PXDNL: variants seen among roughly 807,000 people sequenced by gnomAD.
PXDNL encodes the protein probable oxidoreductase PXDNL.
Under a neutral mutation model 150.8 loss-of-function variants are expected in PXDNL, and 145 were observed. The ratio of observed to expected loss-of-function variants is 0.96; its 90% CI spans 0.84 to 1.10. The LOEUF (loss-of-function observed/expected upper bound fraction) is 1.10. PXDNL is among the 50% of genes least tolerant of loss of function. The pLI, the probability that PXDNL is intolerant of heterozygous loss-of-function variation, is 0.00. For synonymous variants in PXDNL, 757 were observed against 725.7 expected (o/e 1.04, Z -0.69); for missense variants, 2,087 against 1,873.9 (o/e 1.11, Z -2.10).
chr8:51,752,161 T>C (rs1472703670), intron 1 of PXDNL, among the ~76,000 whole-genome samples: 1 of 152,242 alleles, frequency 6.6e-6, no homozygotes, highest in East Asian at 1.9e-4. Context: ...CCTGAAGACC[T>C]TCCTCTGGAG....
intron 2 of PXDNL, among the ~76,000 whole-genome samples, chr8:51,642,766 A>T (rs1814800634): frequency 6.6e-6 from 1 of 152,230 alleles, no homozygotes; most frequent in South Asian, 2.1e-4. Context: ...CTGTCTGCAG[A>T]TGACATGACT....
At chr8:51,503,461 T>A (rs1811227299) in intron 4 of PXDNL, among the ~76,000 whole-genome samples, 1 of 152,236 alleles carries the variant, frequency 6.6e-6, no homozygotes, top group South Asian at 2.1e-4. Context: ...TATATGTGTT[T>A]GATTTATGTG....
At chr8:51,538,490 G>A (rs1012358200) in intron 4 of PXDNL, among the ~76,000 whole-genome samples, 1 of 152,126 alleles carries the variant, frequency 6.6e-6, no homozygotes, top group Non-Finnish European at 1.5e-5. Context: ...AATCGGCCGG[G>A]TGCAGTGGCT....
intron 4 of PXDNL, among the ~76,000 whole-genome samples, chr8:51,556,519 A>G (rs769394955): frequency 2.0e-5 from 3 of 152,190 alleles, no homozygotes; most frequent in Non-Finnish European, 4.4e-5. Flanking sequence ...TGCTCTTTGC[A>G]TGCAGTACCT....
At chr8:51,484,120 T>G (rs929155345) in intron 5 of PXDNL, among the ~76,000 whole-genome samples, 11 of 152,070 alleles carry the variant, frequency 7.2e-5, no homozygotes, top group Non-Finnish European at 4.4e-5. Flanking sequence ...ATTTGTGAAC[T>G]AAATATTTTA....
intron 2 of PXDNL, among the ~76,000 whole-genome samples, chr8:51,595,886 T>C (rs1267384930): frequency 6.6e-6 from 1 of 152,154 alleles, no homozygotes; most frequent in East Asian, 1.9e-4. Flanking sequence ...ATTTAAAGAA[T>C]ATAAATTTAT....
At chr8:51,556,942 T>C in intron 3 of PXDNL, 31 bp from the exon 4 acceptor site, 1 of 1,291,788 alleles carries the variant, frequency 7.7e-7, no homozygotes, top group Non-Finnish European at 1.1e-6. Context: ...CATTAAATTA[T>C]AAATTAGTAG....
At chr8:51,618,920 CA>C (rs1481836022) in intron 2 of PXDNL, among the ~76,000 whole-genome samples, 1 of 152,198 alleles carries the variant, frequency 6.6e-6, no homozygotes, top group Non-Finnish European at 1.5e-5. Flanking sequence ...TTCTTTTACG[CA>C]GGCAGATGCT....
chr8:51,688,755 A>G (rs1466718216), intron 1 of PXDNL, among the ~76,000 whole-genome samples: 2 of 152,228 alleles, frequency 1.3e-5, no homozygotes, highest in Non-Finnish European at 1.5e-5. Context: ...CAGAAAATCA[A>G]CCTGAGGGGA....
intron 21 of PXDNL, among the ~76,000 whole-genome samples, chr8:51,331,929 A>G (rs1805702184): frequency 6.6e-6 from 1 of 151,264 alleles, no homozygotes; most frequent in Admixed American, 6.6e-5. Context: ...AACAAAGGAC[A>G]TATAATCTTG....
At chr8:51,767,586 C>A (rs148720544) in intron 1 of PXDNL, among the ~76,000 whole-genome samples, 1 of 152,278 alleles carries the variant, frequency 6.6e-6, no homozygotes, top group African/African-American at 2.4e-5. Context: ...ACTCTGAAAG[C>A]TTACTACTAT....
At chr8:51,397,386 C>A (rs1250118171) in intron 17 of PXDNL, among the ~76,000 whole-genome samples, 1 of 151,872 alleles carries the variant, frequency 6.6e-6, no homozygotes, top group African/African-American at 2.4e-5. Flanking sequence ...AGTTCAAATC[C>A]CTAATCTAAG....
chr8:51,604,438 G>T (rs1195417956), intron 2 of PXDNL, among the ~76,000 whole-genome samples: 3 of 152,152 alleles, frequency 2.0e-5, no homozygotes, highest in Non-Finnish European at 4.4e-5. Flanking sequence ...TCATAGGTGG[G>T]AATTGAACAA....
chr8:51,419,093 T>C (rs543627795), intron 14 of PXDNL, among the ~76,000 whole-genome samples: 1 of 152,162 alleles, frequency 6.6e-6, no homozygotes. Context: ...GATTCGAATA[T>C]GTTCAAAATC....
chr8:51,577,905 AAGAG>A (rs1457437619), intron 3 of PXDNL, among the ~76,000 whole-genome samples: 1 of 137,326 alleles, frequency 7.3e-6, no homozygotes, highest in Non-Finnish European at 1.5e-5. Context: ...ATAAGAAAGA[AAGAG>A]AAAGAAAAGA....
In PXDNL at chr8:51,556,872, TTGCTTATCTAG is replaced by T. The variant is rs1563463286; in HGVS notation, c.337_347del (p.Leu113AsnfsTer3). ...CCAAAGATATGAGTCCTTTAAATGT[TTGCTTATCTAG>T]TGCATGGATTTCATTCTTATACAGG... On this transcript the variant is annotated frameshift_variant, in exon 4 of 23. Coordinates refer to ENST00000356297, the MANE Select transcript of PXDNL (RefSeq NM_144651.5). LOFTEE classifies it high-confidence loss of function. 1 of 1,584,964 alleles carries T rather than the reference TTGCTTATCTAG, an allele frequency of 6.3e-7. No individual in the cohort carries two copies. The highest frequency in any genetic ancestry group is 2.2e-5 in the East Asian group (1 of 44,632).
chr8:51,523,387 A>G (rs11786371), intron 4 of PXDNL, among the ~76,000 whole-genome samples: 22,741 of 152,210 alleles, frequency 0.15, 1,918 homozygotes, highest in East Asian at 0.24. Context: ...CCATCAACAT[A>G]GCCAACAATC....
At chr8:51,383,941 A>G (rs1386543408) in intron 17 of PXDNL, among the ~76,000 whole-genome samples, 1 of 152,210 alleles carries the variant, frequency 6.6e-6, no homozygotes. Context: ...GAATCTTTTC[A>G]GGGTTATACA....
intron 1 of PXDNL, among the ~76,000 whole-genome samples, chr8:51,751,397 A>G (rs2130976666): frequency 6.6e-6 from 1 of 152,222 alleles, no homozygotes; most frequent in East Asian, 1.9e-4. Flanking sequence ...AGTATCTTTT[A>G]TTTTGTTCTA....
Sources: allele counts gnomAD v4.1 joint callset (sites outside exome capture counted in the v4.1 genomes callset), GRCh38; gene constraint gnomAD v4.1.1; transcripts MANE v1.5; gene names NCBI Gene and HGNC (gene_info 2026-07-23, HGNC 2026-07-21).